Variants in YLPM1 observed in about 807,000 individuals in gnomAD.
YLPM1 encodes the protein YLP motif-containing protein 1.
In YLPM1, 99 loss-of-function variants were observed where a neutral mutation model predicts 230.0. The observed-to-expected ratio is 0.43, with a 90% CI of 0.37 to 0.51. The LOEUF (loss-of-function observed/expected upper bound fraction) is 0.51, where lower values mean the gene tolerates loss of function less well. Ranked by LOEUF, YLPM1 falls within the 20% of genes least tolerant of loss-of-function variation. The pLI is 0.00. For missense variants in YLPM1, 2,592 were observed against 2,707.7 expected, an observed-to-expected ratio of 0.96 and a Z score of 0.95; for synonymous variants, 984 against 942.5, an observed-to-expected ratio of 1.04 and a Z score of -0.81.
In YLPM1 at chr14:74,763,326, G is replaced by A; in HGVS notation, c.-164G>A. On this transcript the variant is annotated 5_prime_UTR_variant, in exon 1 of 21. Coordinates refer to ENST00000325680, the MANE Select transcript of YLPM1 (RefSeq NM_019589.3). ...AAGTCGCGTCCCCGCCTTCCCGGTCGCGGGCCCAGCTCGGGAGCGCCGGCG... is the reference window on the plus strand; with the variant it reads ...AAGTCGCGTCCCCGCCTTCCCGGTCACGGGCCCAGCTCGGGAGCGCCGGCG... 1 of 756,744 alleles carries A rather than the reference G, an allele frequency of 1.3e-6. No homozygotes were observed. 46.9% of individuals were successfully genotyped at this position (756,744 alleles called of 1,614,324 possible). A position where few individuals can be genotyped will look rare whatever the true frequency, so the allele number is the denominator to read the frequency against.
chr14:74,810,215 GT>G lies in YLPM1; in HGVS notation c.5033-5del. ...GGGATATAGTTATTTTGTACTAATT[GT>G]TTTTGTAGAGCATGCAGGCCAACGT... is the stretch of plus-strand genomic sequence containing the variant. On this transcript the variant is annotated splice_polypyrimidine_tract_variant and intron_variant, in intron 8 of 20. Coordinates refer to ENST00000325680, the MANE Select transcript of YLPM1 (RefSeq NM_019589.3). The G allele has an allele frequency of 6.2e-7, 1 of 1,612,118 alleles. No homozygotes were observed. The highest frequency in any genetic ancestry group is 2.2e-5 in the East Asian group (1 of 44,846).
chr14:74,797,588 G>A lies in YLPM1; in HGVS notation c.2291G>A (p.Gly764Asp). 1 of 1,473,204 alleles carries A rather than the reference G, an allele frequency of 6.8e-7. No homozygotes were observed. The highest frequency in any genetic ancestry group is 9.0e-7 in the Non-Finnish European group (1 of 1,110,836). 91.3% of individuals were successfully genotyped at this position (1,473,204 alleles called of 1,614,324 possible). ...LESPRGPRFDGPRRFEDLGSR... is the reference protein window; with the variant it reads ...LESPRGPRFDDPRRFEDLGSR... ...TTTTGTTTTACTTGTAGATTTGATG[G>A]TCCTCGAAGATTTGAGGATTTAGGG... Residue 764 changes from glycine (G) to aspartate (D), a missense_variant, in exon 5 of 21, where the codon GGT becomes GAT. By Grantham distance (94) the Gly-to-Asp change is moderately conservative. Transcript: ENST00000325680.
At chr14:74,807,262 A>G (rs985890183) in intron 6 of YLPM1, among the ~76,000 whole-genome samples, 8 of 152,240 alleles carry the variant, frequency 5.3e-5, no homozygotes, top group Non-Finnish European at 1.0e-4. Flanking sequence ...CAATAAAGAA[A>G]AAACATCCTA....
intron 9 of YLPM1, among the ~76,000 whole-genome samples, chr14:74,811,107 G>A (rs946437492): frequency 4.6e-5 from 7 of 152,056 alleles, no homozygotes; most frequent in African/African-American, 1.7e-4. Flanking sequence ...GATTATAGGC[G>A]TGAGCCATCA....
intron 5 of YLPM1, among the ~76,000 whole-genome samples, chr14:74,802,165 C>G (rs1294842816): frequency 1.3e-4 from 19 of 149,304 alleles, no homozygotes; most frequent in African/African-American, 4.0e-4. Flanking sequence ...TTGTAGTGAG[C>G]TGAGATCGCG....
At chr14:74,785,120 C>A (rs896032934) in intron 4 of YLPM1, among the ~76,000 whole-genome samples, 1 of 152,020 alleles carries the variant, frequency 6.6e-6, no homozygotes, top group Non-Finnish European at 1.5e-5. Context: ...TTTTATTAAG[C>A]CAAGTCTCTC....
chr14:74,806,645 C>A (rs941390551), intron 6 of YLPM1, among the ~76,000 whole-genome samples: 1 of 152,024 alleles, frequency 6.6e-6, no homozygotes, highest in African/African-American at 2.4e-5. Context: ...ACTATAGCCT[C>A]GTAAGCATTA....
intron 6 of YLPM1, among the ~76,000 whole-genome samples, chr14:74,807,319 A>G (rs1471493023): frequency 6.6e-6 from 1 of 152,188 alleles, no homozygotes; most frequent in Non-Finnish European, 1.5e-5. Context: ...AAACAAAAAA[A>G]TAAAACCAAA....
intron 4 of YLPM1, among the ~76,000 whole-genome samples, chr14:74,795,399 T>G (rs1249709529): frequency 6.6e-6 from 1 of 152,180 alleles, no homozygotes; most frequent in African/African-American, 2.4e-5. Flanking sequence ...TTTATTAGTC[T>G]TCATTGATTT....
At chr14:74,801,068 T>C (rs1353944592) in intron 5 of YLPM1, among the ~76,000 whole-genome samples, 1 of 152,262 alleles carries the variant, frequency 6.6e-6, no homozygotes, top group African/African-American at 2.4e-5. Context: ...GTTGTTAAGC[T>C]GCCAAGGTTT....
chr14:74,807,217 G>T (rs1475943261), intron 6 of YLPM1, among the ~76,000 whole-genome samples: 1 of 152,062 alleles, frequency 6.6e-6, no homozygotes, highest in Admixed American at 6.6e-5. Flanking sequence ...TATAAATAAT[G>T]TATATTGTGG....
Position 74,816,978 on chromosome 14 carries a change from C to G in YLPM1, c.5733C>G (p.Thr1911=). The G allele has an allele frequency of 6.2e-7, 1 of 1,606,764 alleles. No homozygotes were observed. The highest frequency in any genetic ancestry group is 1.1e-5 in the South Asian group (1 of 89,242). The change falls in exon 14 of 21, where the codon ACC becomes ACG. Residue 1911 remains threonine (T), a synonymous_variant. Coordinates refer to ENST00000325680, the MANE Select transcript of YLPM1 (RefSeq NM_019589.3). ...YEAEMEETYR[T]SMFKTFKKTL... ...CTGAGATGGAGGAGACTTACCGCAC[C>G]AGCATGTTCAAAACTTTCAAAAAGA...
intron 1 of YLPM1, among the ~76,000 whole-genome samples, chr14:74,774,975 GTT>G (rs1421094511): frequency 6.6e-6 from 1 of 152,180 alleles, no homozygotes; most frequent in Admixed American, 6.5e-5. Flanking sequence ...TCATGGTATG[GTT>G]TCCAGTGAAT....
intron 2 of YLPM1, among the ~76,000 whole-genome samples, chr14:74,779,374 C>T (rs2091071392): frequency 6.6e-6 from 1 of 150,454 alleles, no homozygotes; most frequent in Non-Finnish European, 1.5e-5. Context: ...TTCTGTGCTT[C>T]AATTTACTCC....
intron 9 of YLPM1, 115 bp from the exon 10 acceptor site, chr14:74,811,505 A>T: frequency 1.5e-6 from 1 of 676,892 alleles, no homozygotes; most frequent in Non-Finnish European, 2.5e-6. Context: ...GTAAACATTT[A>T]CTGTGTGGAG....
Position 74,797,768 on chromosome 14 carries a change from C to G in YLPM1, c.2471C>G (p.Pro824Arg). The change falls in exon 5 of 21, where the codon CCC becomes CGC. Residue 824 changes from proline to arginine, a missense_variant. Pro to Arg is a moderately radical substitution (Grantham distance 103). Coordinates refer to ENST00000325680, the MANE Select transcript of YLPM1 (RefSeq NM_019589.3). ...RGPASQFYITPSTSLSPRQSG... is the reference protein window; with the variant it reads ...RGPASQFYITRSTSLSPRQSG... ...CCAGCATCTCAATTTTATATTACCC[C>G]CAGTACATCCCTAAGTCCTCGACAG... The G allele has an allele frequency of 3.7e-6, 6 of 1,613,778 alleles. No homozygotes were observed. The highest frequency in any genetic ancestry group is 5.1e-6 in the Non-Finnish European group (6 of 1,179,828).
At chr14:74,770,590 T>C (rs1316546351) in intron 1 of YLPM1, among the ~76,000 whole-genome samples, 1 of 148,846 alleles carries the variant, frequency 6.7e-6, no homozygotes, top group Non-Finnish European at 1.5e-5. Flanking sequence ...GCCCCACTGC[T>C]CTCTAGCCTG....
At chr14:74,824,141 G>C in intron 17 of YLPM1, 115 bp from the exon 18 acceptor site, 1 of 957,718 alleles carries the variant, frequency 1.0e-6, no homozygotes, top group Non-Finnish European at 1.6e-6. Context: ...TGTATTTACA[G>C]CTAGTCAGTG....
chr14:74,794,721 A>T (rs1051912672), intron 4 of YLPM1, among the ~76,000 whole-genome samples: 2 of 152,158 alleles, frequency 1.3e-5, no homozygotes, highest in East Asian at 3.9e-4. Context: ...CACATGTTAG[A>T]TAATAAGGAA....
Sources: gnomAD v4.1 joint callset for allele counts (sites outside exome capture counted in the v4.1 genomes callset) on GRCh38, gnomAD v4.1.1 for gene constraint, MANE v1.5 for transcripts, NCBI Gene and HGNC (gene_info 2026-07-23, HGNC 2026-07-21) for gene names.